The following SIPA1L1 variants were observed in gnomAD, a reference collection of about 807,000 sequenced individuals.
The protein encoded by SIPA1L1 is signal-induced proliferation-associated 1-like protein 1.
In SIPA1L1, 26 loss-of-function variants were observed where a neutral mutation model predicts 162.7. The observed-to-expected ratio is 0.16, with a 90% CI of 0.12 to 0.22. The LOEUF is 0.22. Among genes scored for constraint, SIPA1L1 ranks in the 10% least tolerant of loss-of-function variants. SIPA1L1 has a pLI of 1.00. For synonymous variants in SIPA1L1, 829 were observed against 837.4 expected (o/e 0.99, Z 0.17); for missense variants, 1,874 against 2,241.0 (o/e 0.84, Z 3.31).
At chr14:71,449,550 G>A (rs1361393016) in intron 2 of SIPA1L1, among the ~76,000 whole-genome samples, 6 of 152,108 alleles carry the variant, frequency 3.9e-5, no homozygotes, top group Admixed American at 6.5e-5. Context: ...CCTTATTTTT[G>A]TTCAGATAAT....
intron 5 of SIPA1L1, among the ~76,000 whole-genome samples, chr14:71,605,576 G>A (rs1426447989): frequency 6.6e-6 from 1 of 152,076 alleles, no homozygotes; most frequent in Non-Finnish European, 1.5e-5. Flanking sequence ...GATTGGGTAG[G>A]GCATTTTGAC....
chr14:71,496,475 CAT>C (rs1430851325), intron 2 of SIPA1L1, among the ~76,000 whole-genome samples: 1 of 152,070 alleles, frequency 6.6e-6, no homozygotes, highest in African/African-American at 2.4e-5. Flanking sequence ...GATCAGCAAA[CAT>C]ATTTTATATT....
intron 4 of SIPA1L1, among the ~76,000 whole-genome samples, chr14:71,550,100 A>C (rs1246787092): frequency 6.6e-6 from 1 of 152,088 alleles, no homozygotes; most frequent in African/African-American, 2.4e-5. Context: ...TTTTCAAAAA[A>C]ATTAGCCAGG....
intron 13 of SIPA1L1, among the ~76,000 whole-genome samples, chr14:71,695,111 A>G (rs1597041488): frequency 6.6e-6 from 1 of 152,304 alleles, no homozygotes; most frequent in South Asian, 2.1e-4. Flanking sequence ...CCACTCTCCC[A>G]CTAGGTCTGT....
chr14:71,415,286 T>A (rs2042677711), intron 2 of SIPA1L1, among the ~76,000 whole-genome samples: 1 of 152,222 alleles, frequency 6.6e-6, no homozygotes, highest in Non-Finnish European at 1.5e-5. Flanking sequence ...TGAAAATGTT[T>A]TTAAAGTACA....
chr14:71,687,989 T>A (rs1187091038), intron 13 of SIPA1L1, among the ~76,000 whole-genome samples: 1 of 152,192 alleles, frequency 6.6e-6, no homozygotes, highest in East Asian at 1.9e-4. Context: ...ACTTGTGAGA[T>A]CTCAGTCCTA....
At chr14:71,665,911 C>G (rs1017385720) in intron 10 of SIPA1L1, among the ~76,000 whole-genome samples, 1 of 152,126 alleles carries the variant, frequency 6.6e-6, no homozygotes. Context: ...AATGTGGTCT[C>G]TCTCTCAAAA....
At chr14:71,397,087 T>G (rs1393037366) in intron 2 of SIPA1L1, among the ~76,000 whole-genome samples, 1 of 152,246 alleles carries the variant, frequency 6.6e-6, no homozygotes, top group African/African-American at 2.4e-5. Context: ...AGATAACTAT[T>G]AATAACTTCA....
At chr14:71,589,934 G>A (rs1237598896) in intron 5 of SIPA1L1, among the ~76,000 whole-genome samples, 1 of 149,030 alleles carries the variant, frequency 6.7e-6, no homozygotes, top group Non-Finnish European at 1.5e-5. Context: ...ATCAAATCTC[G>A]GTCTTTGAGT....
intron 2 of SIPA1L1, among the ~76,000 whole-genome samples, chr14:71,324,832 T>G (rs1199677859): frequency 6.6e-6 from 1 of 152,178 alleles, no homozygotes; most frequent in African/African-American, 2.4e-5. Context: ...AGACCTTTTT[T>G]CTCAGCGACA....
intron 2 of SIPA1L1, among the ~76,000 whole-genome samples, chr14:71,467,852 TAAA>T (rs11394096): frequency 7.4e-6 from 1 of 135,772 alleles, no homozygotes; most frequent in African/African-American, 2.7e-5. Flanking sequence ...CCCCATCTCT[TAAA>T]AAAAAAAAAA....
Position 71,730,142 on chromosome 14 carries a change from A to G in SIPA1L1, c.4702A>G (p.Ile1568Val). The G allele has an allele frequency of 8.1e-6, 13 of 1,614,130 alleles. No individual in the cohort carries two copies. Among genetic ancestry groups the G allele is most frequent in the Non-Finnish European group, 1.1e-5 (13 of 1,180,020 alleles). Residue 1568 changes from isoleucine to valine, a missense_variant, in exon 20 of 24, where the codon ATT (isoleucine) becomes GTT (valine). Ile to Val is a conservative substitution (Grantham distance 29, BLOSUM62 3). Transcript: ENST00000381232. ...GCACAGAACACTGTCGGACGAGAGCATTTACAATAGCCAGAGGGAGCACTT... is the reference window on the plus strand; with the variant it reads ...GCACAGAACACTGTCGGACGAGAGCGTTTACAATAGCCAGAGGGAGCACTT... ...ALHRTLSDES[I>V]YNSQREHFFT...
intron 2 of SIPA1L1, among the ~76,000 whole-genome samples, chr14:71,466,589 A>T (rs2047011955): frequency 6.6e-6 from 1 of 152,144 alleles, no homozygotes; most frequent in African/African-American, 2.4e-5. Context: ...TGAAAAAAAA[A>T]AAAAAAACAG....
chr14:71,361,491 G>A (rs1431222678), intron 2 of SIPA1L1, among the ~76,000 whole-genome samples: 1 of 152,122 alleles, frequency 6.6e-6, no homozygotes, highest in Non-Finnish European at 1.5e-5. Flanking sequence ...CCCTTGAGAT[G>A]GCTATCTGAG....
At chr14:71,361,018 TA>T (rs561281944) in intron 2 of SIPA1L1, among the ~76,000 whole-genome samples, 13 of 152,182 alleles carry the variant, frequency 8.5e-5, no homozygotes, top group African/African-American at 1.7e-4. Flanking sequence ...AGTTTATATA[TA>T]TTTTTTTTTC....
At chr14:71,623,896 T>C in intron 6 of SIPA1L1, 152 bp from the exon 7 acceptor site, 1 of 606,152 alleles carries the variant, frequency 1.6e-6, no homozygotes, top group Non-Finnish European at 2.8e-6. Context: ...CTACATCACT[T>C]TTCTCATTCT....
intron 15 of SIPA1L1, among the ~76,000 whole-genome samples, chr14:71,703,567 C>T (rs1184379571): frequency 6.6e-6 from 1 of 152,218 alleles, no homozygotes; most frequent in Non-Finnish European, 1.5e-5. Context: ...CCTACCCACC[C>T]CTACACAGAA....
At position 71,403,183 on chromosome 14, in the gene SIPA1L1, C is replaced by G. The variant is rs1007287786; in HGVS notation, c.-465+82002C>G. Among the ~76,000 whole-genome samples the G allele has an allele frequency of 1.4e-4, 22 of 152,110 alleles. 1 individual carries two copies. The highest frequency in any genetic ancestry group is 2.4e-4 in the Non-Finnish European group (16 of 68,014). On this transcript the variant is annotated intron_variant, in intron 2 of 23. Coordinates refer to ENST00000381232, the MANE Select transcript of SIPA1L1 (RefSeq NM_001386936.1). ...AACAGACTTTTCATGTACTTCTCTGCCTCAATATTTTCTTTTTGAGTTTAA... is the reference window on the plus strand; with the variant it reads ...AACAGACTTTTCATGTACTTCTCTGGCTCAATATTTTCTTTTTGAGTTTAA...
chr14:71,513,281 C>T (rs190964188), intron 3 of SIPA1L1, among the ~76,000 whole-genome samples: 2 of 152,094 alleles, frequency 1.3e-5, no homozygotes, highest in Admixed American at 6.5e-5. Flanking sequence ...AAGAATTGGA[C>T]ACTTGGTTGT....
Sources: allele counts gnomAD v4.1 joint callset (sites outside exome capture counted in the v4.1 genomes callset), GRCh38; gene constraint gnomAD v4.1.1; transcripts MANE v1.5; gene names NCBI Gene and HGNC (gene_info 2026-07-23, HGNC 2026-07-21).